Variants in ST8SIA4 observed in about 807,000 individuals in gnomAD.
The protein encoded by ST8SIA4 is ST8 alpha-N-acetyl-neuraminide alpha-2,8-sialyltransferase 4, also known as CMP-N-acetylneuraminate-poly-alpha-2,8-sialyltransferase.
Under a neutral mutation model 33.9 loss-of-function variants are expected in ST8SIA4, and 15 were observed. The observed-to-expected ratio is 0.44, with a 90% CI of 0.30 to 0.68. The LOEUF is 0.68. Ranked by LOEUF, ST8SIA4 falls within the 30% of genes least tolerant of loss-of-function variation. ST8SIA4 has a pLI of 0.10. For synonymous variants in ST8SIA4, 171 were observed against 151.2 expected (o/e 1.13, Z -0.96); for missense variants, 321 against 428.0 (o/e 0.75, Z 2.21).
At chr5:100,860,534 CTT>C (rs1047872739) in intron 3 of ST8SIA4, among the ~76,000 whole-genome samples, 3 of 152,186 alleles carry the variant, frequency 2.0e-5, no homozygotes, top group African/African-American at 4.8e-5. Context: ...CTGCCAGTCT[CTT>C]TGACTTTCCT....
At chr5:100,834,117 T>C (rs1751316187) in intron 4 of ST8SIA4, among the ~76,000 whole-genome samples, 1 of 152,272 alleles carries the variant, frequency 6.6e-6, no homozygotes, top group African/African-American at 2.4e-5. Context: ...TCCATCTAAA[T>C]ATACATGCAT....
chr5:100,852,509 A>G (rs1751727351), intron 4 of ST8SIA4, among the ~76,000 whole-genome samples: 1 of 151,862 alleles, frequency 6.6e-6, no homozygotes, highest in Non-Finnish European at 1.5e-5. Flanking sequence ...CTGAAGAAAT[A>G]CCAGTAAAAA....
At chr5:100,824,912 A>G (rs966677619) in intron 4 of ST8SIA4, among the ~76,000 whole-genome samples, 2 of 141,522 alleles carry the variant, frequency 1.4e-5, no homozygotes, top group African/African-American at 2.6e-5. Context: ...AAAAAAAAAA[A>G]TAGCCAGCAG....
intron 3 of ST8SIA4, among the ~76,000 whole-genome samples, chr5:100,856,834 T>C (rs893011536): frequency 8.5e-5 from 13 of 152,200 alleles, no homozygotes; most frequent in African/African-American, 2.9e-4. Context: ...AAAGCTTAAG[T>C]CATTTCAACA....
chr5:100,816,939 C>CT (rs756462025), intron 4 of ST8SIA4, among the ~76,000 whole-genome samples: 5,789 of 140,554 alleles, frequency 0.041, 181 homozygotes, highest in African/African-American at 0.08. Context: ...GGCTTTTTTT[C>CT]TTTTTTTTTT....
At chr5:100,858,356 C>CT (rs1045920837) in intron 3 of ST8SIA4, among the ~76,000 whole-genome samples, 4 of 151,930 alleles carry the variant, frequency 2.6e-5, no homozygotes, top group Non-Finnish European at 4.4e-5. Context: ...TCAGTAATTT[C>CT]TTTTTAGAGG....
At chr5:100,830,016 CTTTA>C (rs1464072870) in intron 4 of ST8SIA4, among the ~76,000 whole-genome samples, 1 of 151,572 alleles carries the variant, frequency 6.6e-6, no homozygotes, top group Non-Finnish European at 1.5e-5. Flanking sequence ...AGAGATAAGT[CTTTA>C]TTTATTATTT....
At chr5:100,894,117 G>A (rs1752731509) in intron 2 of ST8SIA4, among the ~76,000 whole-genome samples, 2 of 152,154 alleles carry the variant, frequency 1.3e-5, no homozygotes, top group Admixed American at 6.5e-5. Context: ...GCACTTGACA[G>A]GTATCATGAA....
chr5:100,818,055 C>A (rs1362805716), intron 4 of ST8SIA4, among the ~76,000 whole-genome samples: 1 of 152,088 alleles, frequency 6.6e-6, no homozygotes, highest in African/African-American at 2.4e-5. Context: ...TATGTCATAG[C>A]TGAGGACACT....
chr5:100,834,161 A>G (rs902914292), intron 4 of ST8SIA4, among the ~76,000 whole-genome samples: 1 of 152,190 alleles, frequency 6.6e-6, no homozygotes, highest in Non-Finnish European at 1.5e-5. Flanking sequence ...GTATATGGAT[A>G]TGTACTACTG....
intron 4 of ST8SIA4, among the ~76,000 whole-genome samples, chr5:100,848,545 A>G (rs1751616064): frequency 6.7e-6 from 1 of 150,184 alleles, no homozygotes; most frequent in Non-Finnish European, 1.5e-5. Context: ...AAGAGAATAC[A>G]TAGAATTGTA....
intron 4 of ST8SIA4, among the ~76,000 whole-genome samples, chr5:100,840,402 T>G (rs1751448494): frequency 6.6e-6 from 1 of 151,778 alleles, no homozygotes; most frequent in African/African-American, 2.4e-5. Context: ...AGGGTACAAG[T>G]TGGGGAATTT....
intron 4 of ST8SIA4, among the ~76,000 whole-genome samples, chr5:100,853,932 T>C (rs771433253): frequency 6.6e-6 from 1 of 151,992 alleles, no homozygotes; most frequent in South Asian, 2.1e-4. Flanking sequence ...TACTTCAGAT[T>C]ATTTCTTTCT....
At chr5:100,815,626 G>C (rs1485496827) in intron 4 of ST8SIA4, among the ~76,000 whole-genome samples, 2 of 151,844 alleles carry the variant, frequency 1.3e-5, no homozygotes, top group Admixed American at 1.3e-4. Flanking sequence ...GCTCTGTTTT[G>C]GCTAAGTGAG....
chr5:100,828,197 G>A (rs1460425079), intron 4 of ST8SIA4, among the ~76,000 whole-genome samples: 1 of 152,058 alleles, frequency 6.6e-6, no homozygotes. Flanking sequence ...CACTTCTCGG[G>A]TTCATTACAC....
Position 100,810,209 on chromosome 5 carries a change from T to A in ST8SIA4, c.*1638A>T, listed in dbSNP as rs1750786849. On this transcript the variant is annotated 3_prime_UTR_variant, in exon 5 of 5. Coordinates refer to ENST00000231461, the MANE Select transcript of ST8SIA4 (RefSeq NM_005668.6). ...TGTTATACATTAAAAATTTTTTAAT[T>A]ACTTTATTAATAATTTCATGTGTTT... 6.6e-6 allele frequency: 1 copy of A among 152,220 alleles called. No individual in the cohort carries two copies. Among genetic ancestry groups the A allele is most frequent in the Admixed American group, 6.5e-5 (1 of 15,284 alleles). 9.4% of individuals were successfully genotyped at this position (152,220 alleles called of 1,614,324 possible).
At chr5:100,844,746 C>G (rs1046182477) in intron 4 of ST8SIA4, among the ~76,000 whole-genome samples, 5 of 151,886 alleles carry the variant, frequency 3.3e-5, no homozygotes, top group Non-Finnish European at 7.4e-5. Context: ...TTTATGTAAT[C>G]AAATAACTGA....
chr5:100,843,950 T>A (rs1302590977), intron 4 of ST8SIA4, among the ~76,000 whole-genome samples: 1 of 151,944 alleles, frequency 6.6e-6, no homozygotes, highest in Non-Finnish European at 1.5e-5. Context: ...GTTTAGGTGG[T>A]GCTCATTGAG....
rs1170212274 is a variant in ST8SIA4 at position 100,895,522 on chromosome 5, T to C, written c.245+132A>G. ...ATATTCTTCAGTGAGCAACATTAAA[T>C]AGAGCTGGTTCATTCTTTTATTTAA... On this transcript the variant is annotated intron_variant, in intron 2 of 4. Coordinates refer to ENST00000231461, the MANE Select transcript of ST8SIA4 (RefSeq NM_005668.6). 8 of 845,632 alleles carry C rather than the reference T, an allele frequency of 9.5e-6. No individual in the cohort carries two copies. In the African/African-American group the frequency reaches 1.2e-4, roughly 13 times the overall value. The allele number at this position is 845,632 out of a possible 1,614,324, so 52.4% of individuals were successfully genotyped here. A position where few individuals can be genotyped will look rare whatever the true frequency, so the allele number is the denominator to read the frequency against.
Sources: allele counts gnomAD v4.1 joint callset (sites outside exome capture counted in the v4.1 genomes callset), GRCh38; gene constraint gnomAD v4.1.1; transcripts MANE v1.5; gene names NCBI Gene and HGNC (gene_info 2026-07-23, HGNC 2026-07-21).